Variants in USP28 observed in about 807,000 individuals in gnomAD.
USP28 encodes the protein ubiquitin carboxyl-terminal hydrolase 28.
In USP28, 113 loss-of-function variants were observed where a neutral mutation model predicts 145.0. The observed-to-expected ratio is 0.78, with a 90% CI of 0.67 to 0.91. The LOEUF is 0.91. USP28 is among the 40% of genes least tolerant of loss of function. The probability of loss-of-function intolerance (pLI) is 0.00; values close to 1 mark genes in which losing one functional copy is unlikely to be tolerated. For missense variants in USP28, 1,201 were observed against 1,289.6 expected (o/e 0.93, Z 1.05); for synonymous variants, 447 against 450.9 (o/e 0.99, Z 0.11).
intron 1 of USP28, among the ~76,000 whole-genome samples, chr11:113,869,259 C>G (rs1948586387): frequency 6.6e-6 from 1 of 152,070 alleles, no homozygotes; most frequent in South Asian, 2.1e-4. Context: ...ATGGTGAAAC[C>G]CCGTCTCTAC....
chr11:113,805,693 AAGT>A (rs1168420760), intron 19 of USP28, among the ~76,000 whole-genome samples: 1 of 152,222 alleles, frequency 6.6e-6, no homozygotes, highest in Non-Finnish European at 1.5e-5. Flanking sequence ...AATTTTACTC[AAGT>A]ATTTTTAAAA....
chr11:113,836,613 C>T (rs1228980182), intron 5 of USP28, among the ~76,000 whole-genome samples: 1 of 152,152 alleles, frequency 6.6e-6, no homozygotes, highest in Non-Finnish European at 1.5e-5. Context: ...CCTGTCAGTG[C>T]TGCCTTGAGA....
At chr11:113,853,994 G>A (rs1045909209) in intron 2 of USP28, among the ~76,000 whole-genome samples, 1 of 151,904 alleles carries the variant, frequency 6.6e-6, no homozygotes, top group African/African-American at 2.4e-5. Context: ...TTGCTGGTTT[G>A]GATCAGGAAA....
At chr11:113,810,767 CAGG>C (rs1940849129) in intron 16 of USP28, among the ~76,000 whole-genome samples, 1 of 152,192 alleles carries the variant, frequency 6.6e-6, no homozygotes, top group Non-Finnish European at 1.5e-5. Flanking sequence ...CTTTGCCTCC[CAGG>C]TTCAAGCAAT....
At chr11:113,841,338 G>A (rs1356465205) in intron 4 of USP28, among the ~76,000 whole-genome samples, 1 of 152,180 alleles carries the variant, frequency 6.6e-6, no homozygotes, top group Non-Finnish European at 1.5e-5. Context: ...TTAAAACTAT[G>A]CAGCAGCATA....
intron 1 of USP28, among the ~76,000 whole-genome samples, chr11:113,862,612 A>C (rs1272676733): frequency 1.3e-5 from 2 of 152,232 alleles, no homozygotes; most frequent in Non-Finnish European, 2.9e-5. Context: ...CGAGAGAGGC[A>C]GGATGCTGGT....
intron 3 of USP28, among the ~76,000 whole-genome samples, chr11:113,846,772 C>T (rs900977997): frequency 6.6e-6 from 1 of 152,190 alleles, no homozygotes; most frequent in South Asian, 2.1e-4. Flanking sequence ...AGGCGGATCA[C>T]CTGAGGTCAG....
intron 3 of USP28, among the ~76,000 whole-genome samples, chr11:113,849,940 T>C (rs1319155778): frequency 6.6e-6 from 1 of 152,116 alleles, no homozygotes; most frequent in Non-Finnish European, 1.5e-5. Flanking sequence ...GCTAAAGAAA[T>C]ACCACAATAG....
At chr11:113,817,743 T>C (rs375043535) in exon 13 of USP28, 2 of 1,614,226 alleles carry the variant, frequency 1.2e-6, no homozygotes, top group African/African-American at 1.3e-5. Flanking sequence ...GGTGGACAGC[T>C]TTCTGAGGCA....
chr11:113,834,236 G>C lies in USP28; in HGVS notation c.621+13C>G, dbSNP rs1372824183. 2 of 1,599,510 alleles carry C rather than the reference G, an allele frequency of 1.3e-6. No individual in the cohort carries two copies. The highest frequency in any genetic ancestry group is 1.7e-6 in the Non-Finnish European group (2 of 1,172,202). On this transcript the variant is annotated intron_variant, in intron 6 of 24. Transcript: ENST00000003302. ...CTAAACAACAGTGAAGAAATTCCTT[G>C]ACACCAACTTACTGTATGACTTCGA...
In USP28 at chr11:113,817,783, T is replaced by C. The variant is rs769917340; in HGVS notation, c.1338A>G (p.Lys446=). Reference sequence around the variant, plus strand: ...TTGTACTAGCAAATTCAATAACATATTTCAGCATGTCCGGGAGCGGGAACC... The same window carrying C: ...TTGTACTAGCAAATTCAATAACATACTTCAGCATGTCCGGGAGCGGGAACC... Residue 446 remains lysine (K), a synonymous_variant, in exon 13 of 25, where the codon AAA becomes AAG. Coordinates refer to ENST00000003302, the Ensembl canonical transcript of USP28. 3.7e-6 allele frequency: 6 copies of C among 1,614,104 alleles called. No homozygotes were observed. In the Admixed American group the frequency reaches 8.3e-5, roughly 22 times the overall value.
At chr11:113,848,305 T>A (rs767329776) in intron 3 of USP28, among the ~76,000 whole-genome samples, 1 of 152,114 alleles carries the variant, frequency 6.6e-6, no homozygotes, top group South Asian at 2.1e-4. Flanking sequence ...TTACCCCAGT[T>A]TGGAGAAACT....
At chr11:113,806,187 C>T (rs1939927776) in intron 19 of USP28, among the ~76,000 whole-genome samples, 1 of 152,124 alleles carries the variant, frequency 6.6e-6, no homozygotes, top group African/African-American at 2.4e-5. Flanking sequence ...AAGCCTCCCT[C>T]CTGGGCCTCC....
chr11:113,816,980 G>A (rs556753370), intron 13 of USP28, among the ~76,000 whole-genome samples: 9 of 152,198 alleles, frequency 5.9e-5, no homozygotes, highest in South Asian at 2.1e-4. Context: ...GGGCGGTGGC[G>A]GGGGATGTGT....
chr11:113,826,762 A>C (rs1281333014), intron 11 of USP28, among the ~76,000 whole-genome samples: 2 of 151,822 alleles, frequency 1.3e-5, no homozygotes, highest in Non-Finnish European at 2.9e-5. Context: ...TCTACTAAAA[A>C]TATAAAATTA....
At chr11:113,841,883 G>A (rs767962799) in intron 3 of USP28, 115 bp from the exon 4 acceptor site, 2 of 588,306 alleles carry the variant, frequency 3.4e-6, no homozygotes, top group Non-Finnish European at 5.6e-6. Context: ...TGGCTCAACT[G>A]TGTAACAATT....
chr11:113,806,783 C>T (rs1464776705), intron 18 of USP28, among the ~76,000 whole-genome samples, 199 bp from the exon 20 acceptor site: 2 of 152,198 alleles, frequency 1.3e-5, no homozygotes, highest in African/African-American at 2.4e-5. Flanking sequence ...AATGTCAACA[C>T]CCTGCCCAAG....
In USP28 at chr11:113,812,446, T is replaced by C. The variant is rs767143489; in HGVS notation, c.1802A>G (p.Tyr601Cys). ...GGGTTGATTATAGATATAGGCCCAA[T>C]AGTGTCCAGCATTTGCTTGTCCTTC... Residue 601 changes from tyrosine (Y) to cysteine (C), a missense_variant, in exon 16 of 25, where the codon TAT becomes TGT. Coordinates refer to ENST00000003302, the Ensembl canonical transcript of USP28. 4.3e-6 allele frequency: 7 copies of C among 1,614,078 alleles called. No homozygotes were observed. The Admixed American group carries it at 8.3e-5, about 19-fold the overall frequency.
In USP28 at chr11:113,875,513, C is replaced by A. The variant is rs1336768003; in HGVS notation, c.-12G>T. On this transcript the variant is annotated 5_prime_UTR_variant, in exon 1 of 25. Coordinates refer to ENST00000003302, the Ensembl canonical transcript of USP28. The stretch of plus-strand genomic sequence containing the variant: ...AGCTCCGCAGTCATGGCCGAGGCGC[C>A]CAGCCGCGGGTCACCGGTCTCCCGC... 3.4e-6 allele frequency: 4 copies of A among 1,163,616 alleles called. No homozygotes were observed. The East Asian group carries it at 1.3e-4, about 37-fold the overall frequency. 72.1% of individuals were successfully genotyped at this position (1,163,616 alleles called of 1,614,324 possible). A position where few individuals can be genotyped will look rare whatever the true frequency, so the allele number is the denominator to read the frequency against.
Sources: gnomAD v4.1 joint callset for allele counts (sites outside exome capture counted in the v4.1 genomes callset) on GRCh38, gnomAD v4.1.1 for gene constraint, MANE v1.5 for transcripts, NCBI Gene and HGNC (gene_info 2026-07-23, HGNC 2026-07-21) for gene names.